The following ST6GALNAC3 variants were observed in gnomAD, a reference collection of about 807,000 sequenced individuals.
ST6GALNAC3 encodes alpha-N-acetylgalactosaminide alpha-2,6-sialyltransferase 3.
A neutral mutation model predicts 32.7 loss-of-function variants in ST6GALNAC3; 25 were observed. That is an observed-to-expected ratio of 0.76 (90% confidence interval 0.56 to 1.07). The LOEUF is 1.07. ST6GALNAC3 is among the 50% of genes least tolerant of loss of function. The probability of loss-of-function intolerance (pLI) is 0.00; values close to 1 mark genes in which losing one functional copy is unlikely to be tolerated. For synonymous variants in ST6GALNAC3, 129 were observed against 133.1 expected (o/e 0.97, Z 0.21); for missense variants, 355 against 382.4 (o/e 0.93, Z 0.60).
At position 76,408,830 on chromosome 1, in the gene ST6GALNAC3, C is replaced by T. The variant is rs147065964; in HGVS notation, c.214-3178C>T. Among the ~76,000 whole-genome samples the T allele has an allele frequency of 1.9e-3, 290 of 152,112 alleles. 3 individuals carry two copies. The highest frequency in any genetic ancestry group is 7.7e-3 in the South Asian group (37 of 4,814). On this transcript the variant is annotated intron_variant, in intron 2 of 4. Coordinates refer to ENST00000328299, the MANE Select transcript of ST6GALNAC3 (RefSeq NM_152996.4). ...ACCATGCTTTTATTACACAACGAAG[C>T]AACTTCTTGGAATAGCAAATGGAAT...
At chr1:76,525,884 AT>A (rs1342305341) in intron 3 of ST6GALNAC3, among the ~76,000 whole-genome samples, 1 of 145,002 alleles carries the variant, frequency 6.9e-6, no homozygotes, top group African/African-American at 2.5e-5. Flanking sequence ...CAAACACCAA[AT>A]TTTTATTACC....
chr1:76,420,858 GC>G (rs1435160885), intron 3 of ST6GALNAC3, among the ~76,000 whole-genome samples: 4 of 152,142 alleles, frequency 2.6e-5, no homozygotes, highest in Non-Finnish European at 5.9e-5. Flanking sequence ...TTTTCATGAA[GC>G]CTCTTGTAAT....
intron 1 of ST6GALNAC3, among the ~76,000 whole-genome samples, chr1:76,229,660 C>G (rs1656257989): frequency 6.6e-6 from 1 of 152,160 alleles, no homozygotes; most frequent in Non-Finnish European, 1.5e-5. Context: ...ATTTCATGGT[C>G]TCTGTAGGTA....
intron 2 of ST6GALNAC3, among the ~76,000 whole-genome samples, chr1:76,381,160 T>C (rs971326051): frequency 2.9e-5 from 4 of 136,164 alleles, no homozygotes; most frequent in Non-Finnish European, 4.6e-5. Flanking sequence ...GAAAATAGTT[T>C]GGGCTGCTAA....
In ST6GALNAC3 at chr1:76,074,856, G is replaced by A; in HGVS notation, c.-11G>A. 1 of 1,589,982 alleles carries A rather than the reference G, an allele frequency of 6.3e-7. No homozygotes were observed. Among genetic ancestry groups the A allele is most frequent in the African/African-American group, 1.3e-5 (1 of 74,680 alleles). ...CCCGCTGCTCGGTGGCAGGAGGGCC[G>A]GCGGAGCGCCATGGCCTGCATCCTG... On this transcript the variant is annotated 5_prime_UTR_variant, in exon 1 of 5. Coordinates refer to ENST00000328299, the MANE Select transcript of ST6GALNAC3 (RefSeq NM_152996.4).
chr1:76,576,415 T>TTC (rs1467279671), intron 3 of ST6GALNAC3, among the ~76,000 whole-genome samples: 1 of 152,070 alleles, frequency 6.6e-6, no homozygotes, highest in Non-Finnish European at 1.5e-5. Context: ...TTTGAATTGC[T>TTC]TCCTGCAAAG....
At chr1:76,349,427 T>C (rs967484351) in intron 2 of ST6GALNAC3, among the ~76,000 whole-genome samples, 2 of 152,182 alleles carry the variant, frequency 1.3e-5, no homozygotes, top group African/African-American at 4.8e-5. Context: ...GAATTTCTTC[T>C]CTCTTCTTGT....
intron 2 of ST6GALNAC3, among the ~76,000 whole-genome samples, chr1:76,322,290 A>G (rs560428990): frequency 2.3e-4 from 35 of 152,308 alleles, no homozygotes; most frequent in Middle Eastern, 3.4e-3. Context: ...TCAAATGGCA[A>G]TTGGTATTAA....
Position 76,596,338 on chromosome 1 carries a change from C to T in ST6GALNAC3, c.624-31114C>T, listed in dbSNP as rs559014990. On this transcript the variant is annotated intron_variant, in intron 3 of 4. Transcript: ENST00000328299. ...CAGTTAGACAGTTGGTTTCCGAGGC[C>T]GAGATCATGTCTTGTTTATGTGAAA... is the stretch of plus-strand genomic sequence containing the variant. Among the ~76,000 whole-genome samples, 10 of 152,120 alleles carry T rather than the reference C, an allele frequency of 6.6e-5. No homozygotes were observed. In the South Asian group the frequency reaches 1.5e-3, roughly 22 times the overall value.
intron 1 of ST6GALNAC3, among the ~76,000 whole-genome samples, chr1:76,187,768 C>G (rs1235042738): frequency 6.6e-6 from 1 of 152,116 alleles, no homozygotes; most frequent in South Asian, 2.1e-4. Context: ...CAAACACACA[C>G]AACCTCAGAA....
chr1:76,285,635 A>G (rs1391845787), intron 1 of ST6GALNAC3, among the ~76,000 whole-genome samples: 5 of 150,074 alleles, frequency 3.3e-5, no homozygotes, highest in African/African-American at 1.2e-4. Context: ...ATTTTTTTCT[A>G]TAGAGGAAGG....
chr1:76,233,345 T>TA (rs941090191), intron 1 of ST6GALNAC3, among the ~76,000 whole-genome samples: 6 of 152,262 alleles, frequency 3.9e-5, no homozygotes, highest in Non-Finnish European at 8.8e-5. Context: ...AGCAGCATTA[T>TA]AAAAAACTTT....
At chr1:76,355,030 G>A (rs1479350665) in intron 2 of ST6GALNAC3, among the ~76,000 whole-genome samples, 1 of 152,150 alleles carries the variant, frequency 6.6e-6, no homozygotes, top group African/African-American at 2.4e-5. Context: ...CATCTTATCT[G>A]GATGTTAAGA....
At chr1:76,292,369 G>A (rs1489494088) in intron 1 of ST6GALNAC3, among the ~76,000 whole-genome samples, 1 of 152,186 alleles carries the variant, frequency 6.6e-6, no homozygotes, top group East Asian at 1.9e-4. Context: ...AAAACCAGTG[G>A]GCTTTCAATA....
chr1:76,474,011 A>G (rs1449110538), intron 3 of ST6GALNAC3, among the ~76,000 whole-genome samples: 1 of 152,052 alleles, frequency 6.6e-6, no homozygotes, highest in Non-Finnish European at 1.5e-5. Flanking sequence ...GACCCAGGGG[A>G]TGAAAAACCA....
intron 1 of ST6GALNAC3, among the ~76,000 whole-genome samples, chr1:76,276,139 C>T (rs1013510743): frequency 2.0e-5 from 3 of 151,888 alleles, no homozygotes; most frequent in Non-Finnish European, 4.4e-5. Flanking sequence ...ATCTTATTGA[C>T]CTTCATTGCA....
intron 3 of ST6GALNAC3, among the ~76,000 whole-genome samples, chr1:76,561,992 CA>C (rs1665273283): frequency 6.6e-6 from 1 of 152,088 alleles, no homozygotes; most frequent in African/African-American, 2.4e-5. Context: ...AAGCTAGTCA[CA>C]AAAGACCAAA....
chr1:76,397,352 C>T (rs1653042098), intron 2 of ST6GALNAC3, among the ~76,000 whole-genome samples: 1 of 141,886 alleles, frequency 7.0e-6, no homozygotes, highest in Non-Finnish European at 1.5e-5. Context: ...TTTTGCAGCT[C>T]ATTCTTCTAT....
chr1:76,611,918 G>A (rs1647962749), intron 3 of ST6GALNAC3, among the ~76,000 whole-genome samples: 1 of 152,140 alleles, frequency 6.6e-6, no homozygotes, highest in Non-Finnish European at 1.5e-5. Flanking sequence ...AATTGTTGAG[G>A]TTAAATCAGA....
Sources: allele counts gnomAD v4.1 joint callset (sites outside exome capture counted in the v4.1 genomes callset), GRCh38; gene constraint gnomAD v4.1.1; transcripts MANE v1.5; gene names NCBI Gene and HGNC (gene_info 2026-07-23, HGNC 2026-07-21).